Variants in DNAAF10 observed in about 807,000 individuals in gnomAD.
DNAAF10 encodes dynein axonemal assembly factor 10, also known as WD repeat domain 92.
A neutral mutation model predicts 43.7 loss-of-function variants in DNAAF10; 28 were observed. That is an observed-to-expected ratio of 0.64 (90% CI 0.48 to 0.88). DNAAF10 has a LOEUF of 0.88. DNAAF10 is among the 40% of genes least tolerant of loss of function. The pLI is 0.00. For synonymous variants in DNAAF10, 156 were observed against 157.3 expected (o/e 0.99, Z 0.06); for missense variants, 403 against 439.1 (o/e 0.92, Z 0.73).
intron 7 of DNAAF10, chr2:68,134,444 C>T (rs578002187): frequency 3.2e-6 from 4 of 1,242,646 alleles, no homozygotes; most frequent in African/African-American, 1.6e-5. Flanking sequence ...AGTCTTGGGC[C>T]AACTTTTTCA....
chr2:68,153,940 A>T (rs1265413201), intron 1 of DNAAF10, among the ~76,000 whole-genome samples: 1 of 151,700 alleles, frequency 6.6e-6, no homozygotes, highest in Non-Finnish European at 1.5e-5. Context: ...TTTTTAGTAG[A>T]GATGGGGTTT....
In DNAAF10 at chr2:68,137,433, C is replaced by T. The variant is rs1257746886; in HGVS notation, c.634G>A (p.Val212Met). ...LRWETNIKNG[V>M]CSLEFDRKDI... ...TTTCTGTCAAACTCCAAGCTACACACCTGAAAACAGAGAATACTTATTATT... is the reference window on the plus strand; with the variant it reads ...TTTCTGTCAAACTCCAAGCTACACATCTGAAAACAGAGAATACTTATTATT... Residue 212 changes from valine (V) to methionine (M), a missense_variant and splice_region_variant, in exon 6 of 8, where the codon GTG becomes ATG. Val to Met is a conservative substitution (Grantham distance 21, BLOSUM62 1). Coordinates refer to ENST00000295121, the MANE Select transcript of DNAAF10 (RefSeq NM_138458.4). The T allele has an allele frequency of 9.3e-6, 15 of 1,607,592 alleles. No homozygotes were observed. Among genetic ancestry groups the T allele is most frequent in the Non-Finnish European group, 1.2e-5 (14 of 1,177,154 alleles).
intron 7 of DNAAF10, chr2:68,134,219 G>A: frequency 1.0e-6 from 1 of 988,064 alleles, no homozygotes; most frequent in Non-Finnish European, 1.2e-6. Flanking sequence ...GATTCAGAAA[G>A]TGGTGTGCAT....
In DNAAF10 at chr2:68,131,330, C is replaced by T. The variant is rs1212685050; in HGVS notation, c.982G>A (p.Asp328Asn). ...TLSTQPISSL[D>N]WSPDKRGLCV... The stretch of plus-strand genomic sequence containing the variant: ...AGACCCCTTTTATCTGGACTCCAAT[C>T]CAAACTTGAAATGGGCTGGGTGGAC... The change falls in exon 8 of 8, where the codon GAT (aspartate) becomes AAT (asparagine). Residue 328 changes from aspartate (D) to asparagine (N), a missense_variant. By Grantham distance (23) the Asp-to-Asn change is conservative (BLOSUM62 1). Transcript: ENST00000295121. 6.2e-7 allele frequency: 1 copy of T among 1,613,982 alleles called. No homozygotes were observed. The highest frequency in any genetic ancestry group is 8.5e-7 in the Non-Finnish European group (1 of 1,180,024).
chr2:68,155,997 G>A (rs1001645567), intron 1 of DNAAF10, among the ~76,000 whole-genome samples: 3 of 150,430 alleles, frequency 2.0e-5, no homozygotes, highest in Admixed American at 1.3e-4. Context: ...GCACACACCT[G>A]TAGTCCCAGC....
At chr2:68,145,801 G>A (rs1036984015) in intron 2 of DNAAF10, among the ~76,000 whole-genome samples, 13 of 152,068 alleles carry the variant, frequency 8.5e-5, no homozygotes, top group African/African-American at 1.4e-4. Context: ...TTTCTTACCC[G>A]TCTCCATTTC....
intron 2 of DNAAF10, among the ~76,000 whole-genome samples, chr2:68,145,642 T>C (rs1673298379): frequency 6.6e-6 from 1 of 152,170 alleles, no homozygotes; most frequent in Non-Finnish European, 1.5e-5. Flanking sequence ...CAGTGTGTCA[T>C]CATACTGGTA....
intron 7 of DNAAF10, among the ~76,000 whole-genome samples, chr2:68,133,918 G>A (rs977407283): frequency 6.6e-6 from 1 of 152,142 alleles, no homozygotes; most frequent in Non-Finnish European, 1.5e-5. Flanking sequence ...CAGATATATT[G>A]AGGATGGTGT....
At chr2:68,135,731 T>G (rs576067775) in intron 6 of DNAAF10, among the ~76,000 whole-genome samples, 27 of 152,178 alleles carry the variant, frequency 1.8e-4, no homozygotes, top group Non-Finnish European at 3.4e-4. Context: ...AAACACACAT[T>G]TTGAGTGTGT....
At chr2:68,147,692 T>C (rs1673353185) in intron 1 of DNAAF10, 125 bp from the exon 2 acceptor site, 2 of 601,240 alleles carry the variant, frequency 3.3e-6, no homozygotes, top group Non-Finnish European at 5.3e-6. Context: ...AATTAAAACA[T>C]CTTCTGATGA....
At chr2:68,149,565 C>T (rs1158477386) in intron 1 of DNAAF10, among the ~76,000 whole-genome samples, 1 of 152,152 alleles carries the variant, frequency 6.6e-6, no homozygotes, top group African/African-American at 2.4e-5. Flanking sequence ...TGGGGCAACA[C>T]AGAGGATCAA....
chr2:68,138,807 C>T lies in DNAAF10; in HGVS notation c.568G>A (p.Gly190Arg). ...ERVVCAGYDN[G>R]DIKLFDLRNM... ...CTGAGATCAAATAGTTTGATATCCC[C>T]ATTGTCATAGCCAGCACAAACAACA... The change falls in exon 5 of 8, where the codon GGG becomes AGG. Residue 190 changes from glycine to arginine, a missense_variant. By Grantham distance (125) the Gly-to-Arg change is moderately radical (BLOSUM62 -2). Coordinates refer to ENST00000295121, the MANE Select transcript of DNAAF10 (RefSeq NM_138458.4). The T allele has an allele frequency of 6.2e-7, 1 of 1,614,130 alleles. No individual in the cohort carries two copies. Among genetic ancestry groups the T allele is most frequent in the South Asian group, 1.1e-5 (1 of 91,084 alleles).
intron 1 of DNAAF10, among the ~76,000 whole-genome samples, chr2:68,154,084 GT>G (rs1478276498): frequency 6.6e-6 from 1 of 151,762 alleles, no homozygotes; most frequent in Non-Finnish European, 1.5e-5. Flanking sequence ...TTTTGTATTA[GT>G]TTTACCCTCT....
rs888827433 is a variant in DNAAF10 at position 68,131,043 on chromosome 2, G to C, written c.*195C>G. On this transcript the variant is annotated 3_prime_UTR_variant, in exon 8 of 8. Transcript: ENST00000295121. Reference sequence around the variant, plus strand: ...CCATTCTCCTGCCTCAGCCTCCCAAGTAGCTAGGACTACAGATGCCCGCCA... The same window carrying C: ...CCATTCTCCTGCCTCAGCCTCCCAACTAGCTAGGACTACAGATGCCCGCCA... The C allele has an allele frequency of 4.7e-6, 2 of 427,296 alleles. No homozygotes were observed. The highest frequency in any genetic ancestry group is 2.1e-5 in the African/African-American group (1 of 48,204). The allele number at this position is 427,296 out of a possible 1,614,324, so 26.5% of individuals were successfully genotyped here.
chr2:68,156,236 G>A (rs1419229934), intron 1 of DNAAF10, among the ~76,000 whole-genome samples: 1 of 152,050 alleles, frequency 6.6e-6, no homozygotes, highest in Non-Finnish European at 1.5e-5. Context: ...AAGCGGGATG[G>A]GGTCTTACAT....
At chr2:68,144,764 T>C in intron 2 of DNAAF10, 49 bp from the exon 3 acceptor site, 4 of 1,556,010 alleles carry the variant, frequency 2.6e-6, no homozygotes, top group Non-Finnish European at 3.4e-6. Context: ...AACATATAAG[T>C]CTACTACTGA....
chr2:68,131,396 C>G lies in DNAAF10; in HGVS notation c.916G>C (p.Gly306Arg). The change falls in exon 8 of 8, where the codon GGA becomes CGA. Residue 306 changes from glycine to arginine, a missense_variant. Physicochemically the swap from Gly to Arg is moderately radical, Grantham distance 125 (BLOSUM62 -2). Transcript: ENST00000295121. ...SKKDSEGIEM[G>R]VAGSVSLLQN... is the part of the protein sequence containing the mutation. The stretch of plus-strand genomic sequence containing the variant: ...AGAAGGCTTACAGAACCTGCGACTC[C>G]CATTTCTATTCCCTCAGAATCTTTC... 1 of 1,614,142 alleles carries G rather than the reference C, an allele frequency of 6.2e-7. No individual in the cohort carries two copies. Among genetic ancestry groups the G allele is most frequent in the Non-Finnish European group, 8.5e-7 (1 of 1,180,040 alleles).
In DNAAF10 at chr2:68,138,834, GTTC is replaced by G. The variant is rs768532420; in HGVS notation, c.538_540del (p.Glu180del). On this transcript the variant is annotated inframe_deletion, in exon 5 of 8. Coordinates refer to ENST00000295121, the MANE Select transcript of DNAAF10 (RefSeq NM_138458.4). ...TTGTCATAGCCAGCACAAACAACAC[GTTC>G]TTCTTGATTATAAGCATTGCCTGGA... The G allele has an allele frequency of 6.2e-7, 1 of 1,613,432 alleles. No homozygotes were observed. The highest frequency in any genetic ancestry group is 1.7e-5 in the Admixed American group (1 of 59,990).
chr2:68,150,544 C>A (rs559733186), intron 1 of DNAAF10, among the ~76,000 whole-genome samples: 6 of 151,942 alleles, frequency 3.9e-5, no homozygotes, highest in African/African-American at 1.4e-4. Flanking sequence ...ACCAGCCTGG[C>A]CAAAATGGTG....
Sources: gnomAD v4.1 joint callset for allele counts (sites outside exome capture counted in the v4.1 genomes callset) on GRCh38, gnomAD v4.1.1 for gene constraint, MANE v1.5 for transcripts, NCBI Gene and HGNC (gene_info 2026-07-23, HGNC 2026-07-21) for gene names.